POLE: variants seen among roughly 807,000 people sequenced by gnomAD.
POLE encodes DNA polymerase epsilon, catalytic subunit.
A neutral mutation model predicts 279.2 loss-of-function variants in POLE; 188 were observed. That is an observed-to-expected ratio of 0.67 (90% CI 0.60 to 0.76). The LOEUF (loss-of-function observed/expected upper bound fraction) is 0.76, where lower values mean the gene tolerates loss of function less well. Ranked by LOEUF, POLE falls within the 30% of genes least tolerant of loss-of-function variation. POLE has a pLI of 0.00. For missense variants in POLE, 2,703 were observed against 3,016.7 expected, an observed-to-expected ratio of 0.90 and a Z score of 2.44; for synonymous variants, 1,214 against 1,172.5, an observed-to-expected ratio of 1.04 and a Z score of -0.72.
chr12:132,674,449 C>A (rs889655328), intron 12 of POLE, among the ~76,000 whole-genome samples: 1 of 152,090 alleles, frequency 6.6e-6, no homozygotes, highest in Admixed American at 6.5e-5. Flanking sequence ...GTCTTCAGGG[C>A]CCCCATATGG....
intron 29 of POLE, among the ~76,000 whole-genome samples, chr12:132,652,585 A>C (rs2042447088): frequency 6.6e-6 from 1 of 152,058 alleles, no homozygotes; most frequent in Non-Finnish European, 1.5e-5. Flanking sequence ...TGGACTCCCA[A>C]AGCACTGCAA....
intron 12 of POLE, among the ~76,000 whole-genome samples, chr12:132,673,949 C>T (rs2042987478): frequency 6.6e-6 from 1 of 152,162 alleles, no homozygotes; most frequent in Non-Finnish European, 1.5e-5. Context: ...CCGGCCCTCG[C>T]CTTCCTCCCA....
chr12:132,632,163 C>T, intron 45 of POLE, 152 bp downstream of exon 45: 1 of 649,926 alleles, frequency 1.5e-6, no homozygotes, highest in Non-Finnish European at 2.7e-6. Flanking sequence ...AACATCCTTA[C>T]CATGCACAGG....
chr12:132,632,475 T>A lies in POLE; in HGVS notation c.6170A>T (p.Asn2057Ile), dbSNP rs767248367. 1 of 1,614,136 alleles carries A rather than the reference T, an allele frequency of 6.2e-7. No homozygotes were observed. Among genetic ancestry groups the A allele is most frequent in the Admixed American group, 1.7e-5 (1 of 60,028 alleles). Residue 2057 changes from asparagine to isoleucine, a missense_variant, in exon 45 of 49, where the codon AAT (asparagine) becomes ATT (isoleucine). Around this residue, in one of 5 missense-constraint regions of POLE, gnomAD observed 1,551 missense variants for 1,686.1 expected, o/e 0.92. Coordinates refer to ENST00000320574, the MANE Select transcript of POLE (RefSeq NM_006231.4). The stretch of plus-strand genomic sequence containing the variant: ...GGTGAAGAAGCTCTGAGTGAGCTCA[T>A]TTGCGACATAATCCTGAGAGAAGGT... ...MITFSQDYVA[N>I]ELTQSFFTIT...
In POLE at chr12:132,677,573, C is replaced by T. The variant is rs2043082854; in HGVS notation, c.720+5G>A. On this transcript the variant is annotated splice_donor_5th_base_variant and intron_variant, in intron 7 of 48. Coordinates refer to ENST00000320574, the MANE Select transcript of POLE (RefSeq NM_006231.4). ...TGAGCAGCGACCCAACCCTGCCCCA[C>T]TCACCACGTGGATCTTCAGGTCAAT... is the stretch of plus-strand genomic sequence containing the variant. The T allele has an allele frequency of 6.2e-7, 1 of 1,614,202 alleles. No homozygotes were observed. Among genetic ancestry groups the T allele is most frequent in the Non-Finnish European group, 8.5e-7 (1 of 1,180,012 alleles).
At chr12:132,638,345 A>G in intron 40 of POLE, 1 of 378,174 alleles carries the variant, frequency 2.6e-6, no homozygotes, top group Non-Finnish European at 4.6e-6. Context: ...AACCAAAAAC[A>G]GGAAAAAATT....
intron 48 of POLE, 44 bp from the exon 49 acceptor site, chr12:132,624,854 GAGGA>G: frequency 6.9e-7 from 1 of 1,452,962 alleles, no homozygotes; most frequent in Non-Finnish European, 9.5e-7. Context: ...TCCACTCAGA[GAGGA>G]GGCCAAGGAG....
In POLE at chr12:132,624,141, A is replaced by T; in HGVS notation, c.*556T>A. ...CTCACAAGCCAAAATCCAGATTCTC[A>T]CGGGTTAGGGTCTGGATTCCTGGGG... On this transcript the variant is annotated 3_prime_UTR_variant, in exon 49 of 49. Transcript: ENST00000320574. 1 of 213,390 alleles carries T rather than the reference A, an allele frequency of 4.7e-6. No homozygotes were observed. Among genetic ancestry groups the T allele is most frequent in the Non-Finnish European group, 9.5e-6 (1 of 105,810 alleles). The allele number at this position is 213,390 out of a possible 1,614,324, so 13.2% of individuals were successfully genotyped here.
chr12:132,672,523 T>C, intron 15 of POLE, 104 bp downstream of exon 15: 1 of 1,287,990 alleles, frequency 7.8e-7, no homozygotes, highest in Non-Finnish European at 1.1e-6. Context: ...TGAGGGGCCG[T>C]GGGACAGGAT....
At chr12:132,638,195 G>C (rs1344309611) in intron 40 of POLE, 56 bp from the exon 41 acceptor site, 1 of 1,558,496 alleles carries the variant, frequency 6.4e-7, no homozygotes, top group East Asian at 2.3e-5. Context: ...GAGAGCCAGA[G>C]GGCACCCAGA....
At position 132,661,105 on chromosome 12, in the gene POLE, C is replaced by T. The variant is rs766224584; in HGVS notation, c.2924G>A (p.Arg975His). ...LAELKGFEVK[R>H]RGELQLIKIF... ...CTTAATCAGCTGCAGTTCCCCGCGG[C>T]GTTTGACCTCAAAGCCCTTGAGCTC... Residue 975 changes from arginine (R) to histidine (H), a missense_variant, in exon 25 of 49, where the codon CGC becomes CAC. By Grantham distance (29) the Arg-to-His change is conservative (BLOSUM62 0). Around this residue, in one of 5 missense-constraint regions of POLE, gnomAD observed 19 missense variants for 51.5 expected, o/e 0.37. Coordinates refer to ENST00000320574, the MANE Select transcript of POLE (RefSeq NM_006231.4). This position sits in a 1 kb window ranked among gnomAD's most constrained non-coding sequence, Gnocchi z 4.1. 1.9e-6 allele frequency: 3 copies of T among 1,613,656 alleles called. No homozygotes were observed. The highest frequency in any genetic ancestry group is 2.5e-6 in the Non-Finnish European group (3 of 1,179,958).
Position 132,632,674 on chromosome 12 carries a change from T to C in POLE, c.6126A>G (p.Gly2042=), listed in dbSNP as rs557016293. Residue 2042 remains glycine, a synonymous_variant, in exon 44 of 49, where the codon GGA becomes GGG. Coordinates refer to ENST00000320574, the MANE Select transcript of POLE (RefSeq NM_006231.4). ...CAAAAGACTGCTCACCGGGAAGGGC[T>C]CCGACCGCCCCCTCGGCCTCCTGGG... ...QLSQEAEGAV[G]ALPGMITFSQ... is the part of the protein sequence containing the mutation. 1 of 1,613,970 alleles carries C rather than the reference T, an allele frequency of 6.2e-7. No homozygotes were observed. The highest frequency in any genetic ancestry group is 1.1e-5 in the South Asian group (1 of 91,084).
intron 45 of POLE, among the ~76,000 whole-genome samples, chr12:132,630,296 G>A (rs547275816): frequency 4.6e-5 from 7 of 152,308 alleles, no homozygotes; most frequent in Non-Finnish European, 8.8e-5. Flanking sequence ...TAACCGCTTC[G>A]AAGCACAATA....
rs754686646 is a variant in POLE, at chr12:132,665,343, C to T, written c.2427G>A (p.Lys809=). Residue 809 remains lysine (K), a synonymous_variant, in exon 21 of 49, where the codon AAG becomes AAA. Coordinates refer to ENST00000320574, the MANE Select transcript of POLE (RefSeq NM_006231.4). ...AGCCATAGAAGGAGTTCAGGATGCA[C>T]TTGTGGGCCAGCTGCAGCGAGTCAT... ...VLYDSLQLAH[K]CILNSFYGYV... is the part of the protein sequence containing the mutation. 3.7e-6 allele frequency: 6 copies of T among 1,613,968 alleles called. No individual in the cohort carries two copies. The African/African-American group carries it at 8.0e-5, about 22-fold the overall frequency.
chr12:132,632,480 G>A lies in POLE; in HGVS notation c.6165C>T (p.Val2055=), dbSNP rs1035847971. 11 of 1,613,916 alleles carry A rather than the reference G, an allele frequency of 6.8e-6. No individual in the cohort carries two copies. Among genetic ancestry groups the A allele is most frequent in the East Asian group, 4.5e-5 (2 of 44,888 alleles). The change falls in exon 45 of 49, where the codon GTC becomes GTT. Residue 2055 remains valine, a synonymous_variant. Coordinates refer to ENST00000320574, the MANE Select transcript of POLE (RefSeq NM_006231.4). ...PGMITFSQDY[V]ANELTQSFFT... is the part of the protein sequence containing the mutation. ...AGAAGCTCTGAGTGAGCTCATTTGCGACATAATCCTGAGAGAAGGTGATCA... is the reference window on the plus strand; with the variant it reads ...AGAAGCTCTGAGTGAGCTCATTTGCAACATAATCCTGAGAGAAGGTGATCA...
intron 25 of POLE, chr12:132,660,235 T>C (rs2042648764): frequency 6.5e-6 from 1 of 153,406 alleles, no homozygotes; most frequent in Admixed American, 6.5e-5. Context: ...GAGCTGTGCT[T>C]TGCACACATG....
At chr12:132,655,389 A>C (rs1418833276) in intron 29 of POLE, among the ~76,000 whole-genome samples, 3 of 152,064 alleles carry the variant, frequency 2.0e-5, no homozygotes, top group Non-Finnish European at 2.9e-5. Flanking sequence ...ACTCTGTGGT[A>C]TATATATGGT....
At chr12:132,625,322 T>A (rs767118299) in intron 47 of POLE, 1 of 725,596 alleles carries the variant, frequency 1.4e-6, no homozygotes, top group Non-Finnish European at 2.5e-6. Context: ...CAGCCTCTGC[T>A]CAGATGCCCC....
chr12:132,625,621 G>A lies in POLE; in HGVS notation c.6657+24C>T, dbSNP rs756386738. Reference sequence around the variant, plus strand: ...CCCCCCTGTGGACTCCAGGGCACACGGGCAGGCGGCATGCACGACTCACCA... The same window carrying A: ...CCCCCCTGTGGACTCCAGGGCACACAGGCAGGCGGCATGCACGACTCACCA... On this transcript the variant is annotated intron_variant, in intron 47 of 48. Transcript: ENST00000320574. 2.9e-5 allele frequency: 46 copies of A among 1,611,714 alleles called. No homozygotes were observed. In the East Asian group the frequency reaches 5.3e-4, roughly 19 times the overall value.
Sources: allele counts gnomAD v4.1 joint callset (sites outside exome capture counted in the v4.1 genomes callset), GRCh38; gene constraint gnomAD v4.1.1; regional missense constraint gnomAD v4.1.1; non-coding constraint Gnocchi (gnomAD v3.1); transcripts MANE v1.5; gene names NCBI Gene and HGNC (gene_info 2026-07-23, HGNC 2026-07-21).